Variants in TSPAN5 observed in about 807,000 individuals in gnomAD.
TSPAN5 encodes tetraspanin 5, also known as tetraspanin-5.
Under a neutral mutation model 37.1 loss-of-function variants are expected in TSPAN5, and 10 were observed. The observed-to-expected ratio is 0.27, with a 90% confidence interval of 0.17 to 0.46. TSPAN5 has a LOEUF of 0.46. Ranked by LOEUF, TSPAN5 falls within the 20% of genes least tolerant of loss-of-function variation. The probability of loss-of-function intolerance (pLI) is 1.00; values close to 1 mark genes in which losing one functional copy is unlikely to be tolerated. For missense variants in TSPAN5, 195 were observed against 326.6 expected (o/e 0.60, Z 3.11); for synonymous variants, 110 against 118.9 (o/e 0.93, Z 0.48).
At chr4:98,648,199 A>G (rs1210861709) in intron 1 of TSPAN5, among the ~76,000 whole-genome samples, 1 of 152,230 alleles carries the variant, frequency 6.6e-6, no homozygotes, top group Admixed American at 6.5e-5. Flanking sequence ...ACAGCATTAC[A>G]GCAGAGGGAA....
chr4:98,655,014 T>A (rs1757266457), intron 1 of TSPAN5, among the ~76,000 whole-genome samples: 1 of 152,122 alleles, frequency 6.6e-6, no homozygotes, highest in Non-Finnish European at 1.5e-5. Context: ...ACCTGGCTAG[T>A]TTTTTGTATT....
At chr4:98,649,663 T>G (rs1398350286) in intron 1 of TSPAN5, among the ~76,000 whole-genome samples, 1 of 152,200 alleles carries the variant, frequency 6.6e-6, no homozygotes, top group African/African-American at 2.4e-5. Flanking sequence ...TTTTCCTGGT[T>G]TTTTTAGATG....
chr4:98,650,724 C>G (rs1757169098), intron 1 of TSPAN5, among the ~76,000 whole-genome samples: 1 of 152,182 alleles, frequency 6.6e-6, no homozygotes, highest in South Asian at 2.1e-4. Context: ...CTTCTAAATT[C>G]CATTCTCCAT....
At chr4:98,508,995 G>A (rs1331129979) in intron 1 of TSPAN5, among the ~76,000 whole-genome samples, 2 of 152,088 alleles carry the variant, frequency 1.3e-5, no homozygotes, top group Non-Finnish European at 2.9e-5. Context: ...TAACTGGGGC[G>A]ACACAGACTT....
chr4:98,600,013 G>A (rs879785506), intron 1 of TSPAN5, among the ~76,000 whole-genome samples: 1 of 151,980 alleles, frequency 6.6e-6, no homozygotes, highest in Non-Finnish European at 1.5e-5. Context: ...CTAGACCACA[G>A]TACTAAGGCA....
At chr4:98,540,618 G>A (rs904557831) in intron 1 of TSPAN5, among the ~76,000 whole-genome samples, 3 of 152,174 alleles carry the variant, frequency 2.0e-5, no homozygotes, top group Non-Finnish European at 2.9e-5. Flanking sequence ...GATTACAGAC[G>A]TGAGCCACCG....
intron 2 of TSPAN5, among the ~76,000 whole-genome samples, chr4:98,501,697 A>T: frequency 6.6e-6 from 1 of 152,172 alleles, no homozygotes. Flanking sequence ...TAGCAAGTTG[A>T]TAAGTAGGAC....
chr4:98,530,388 C>A (rs575621810), intron 1 of TSPAN5, among the ~76,000 whole-genome samples: 1 of 152,218 alleles, frequency 6.6e-6, no homozygotes, highest in Non-Finnish European at 1.5e-5. Flanking sequence ...ACAATGATAT[C>A]CCCATCATAC....
intron 1 of TSPAN5, among the ~76,000 whole-genome samples, chr4:98,537,663 C>T (rs1015156162): frequency 3.3e-5 from 5 of 152,200 alleles, no homozygotes; most frequent in Admixed American, 6.5e-5. Flanking sequence ...TGTGCCTCAC[C>T]GCCCTCCCAG....
In TSPAN5 at chr4:98,645,531, T is replaced by C. The variant is rs144477208; in HGVS notation, c.81+12615A>G. On this transcript the variant is annotated intron_variant, in intron 1 of 7. Transcript: ENST00000305798. Reference sequence around the variant, plus strand: ...AACCAGAATCCGCATTTGAACAACATATCCCATGCCACTTGTATGCATATT... The same window carrying C: ...AACCAGAATCCGCATTTGAACAACACATCCCATGCCACTTGTATGCATATT... Among the ~76,000 whole-genome samples the C allele has an allele frequency of 5.9e-4, 90 of 152,288 alleles. No homozygotes were observed. The East Asian group carries it at 0.017, about 28-fold the overall frequency.
At chr4:98,632,381 G>T (rs1756767928) in intron 1 of TSPAN5, among the ~76,000 whole-genome samples, 1 of 152,082 alleles carries the variant, frequency 6.6e-6, no homozygotes, top group African/African-American at 2.4e-5. Flanking sequence ...CTCCCACTCT[G>T]GGAGCCTGAC....
chr4:98,490,876 T>C (rs1489347701), intron 2 of TSPAN5, among the ~76,000 whole-genome samples: 7 of 151,558 alleles, frequency 4.6e-5, no homozygotes, highest in Non-Finnish European at 5.9e-5. Flanking sequence ...CTGGCTAACA[T>C]GGTGAAACCC....
At chr4:98,487,323 A>G (rs902386825) in intron 2 of TSPAN5, among the ~76,000 whole-genome samples, 19 of 152,094 alleles carry the variant, frequency 1.2e-4, no homozygotes, top group African/African-American at 4.6e-4. Context: ...CTTTGGTTTC[A>G]GTGTCTGCAA....
intron 1 of TSPAN5, among the ~76,000 whole-genome samples, chr4:98,634,641 T>G (rs1323641220): frequency 6.6e-6 from 1 of 152,160 alleles, no homozygotes; most frequent in Non-Finnish European, 1.5e-5. Flanking sequence ...ATATACCACC[T>G]CCTTTTCTTG....
At chr4:98,585,119 T>A (rs1755456534) in intron 1 of TSPAN5, among the ~76,000 whole-genome samples, 2 of 152,336 alleles carry the variant, frequency 1.3e-5, no homozygotes, top group South Asian at 2.1e-4. Flanking sequence ...ACCTAATTTT[T>A]AAAAAGTTTT....
chr4:98,649,417 C>T (rs563493087), intron 1 of TSPAN5, among the ~76,000 whole-genome samples: 95 of 152,212 alleles, frequency 6.2e-4, no homozygotes, highest in African/African-American at 2.2e-3. Context: ...AGGGTTAGGG[C>T]TTCTGATTAG....
At chr4:98,594,221 T>G (rs190451854) in intron 1 of TSPAN5, among the ~76,000 whole-genome samples, 1 of 132,588 alleles carries the variant, frequency 7.5e-6, no homozygotes, top group Non-Finnish European at 1.5e-5. Context: ...GGAGTTCACC[T>G]ATGATTTGGC....
rs1056993324 is a variant in TSPAN5, at chr4:98,657,303, T to C, written c.81+843A>G. 5.3e-5 allele frequency among the ~76,000 whole-genome samples: 8 copies of C among 152,290 alleles called. No homozygotes were observed. In the East Asian group the frequency reaches 7.7e-4, roughly 15 times the overall value. ...CAAGCAGAGCATCATTTGAATCTTG[T>C]GTTAAAGCATTTGCTCTCTCGGTTC... On this transcript the variant is annotated intron_variant, in intron 1 of 7. Transcript: ENST00000305798.
intron 1 of TSPAN5, among the ~76,000 whole-genome samples, chr4:98,557,365 AAC>A (rs2110163518): frequency 6.6e-6 from 1 of 152,328 alleles, no homozygotes; most frequent in East Asian, 1.9e-4. Context: ...TGCTACTAAG[AAC>A]ACACTCGGGG....
Sources: allele counts gnomAD v4.1 joint callset (sites outside exome capture counted in the v4.1 genomes callset), GRCh38; gene constraint gnomAD v4.1.1; transcripts MANE v1.5; gene names NCBI Gene and HGNC (gene_info 2026-07-23, HGNC 2026-07-21).